The following TMEM164 variants were observed in gnomAD, a reference collection of about 807,000 sequenced individuals.
The protein encoded by TMEM164 is transmembrane protein 164.
A neutral mutation model predicts 18.8 loss-of-function variants in TMEM164; 4 were observed. That is an observed-to-expected ratio of 0.21 (90% CI 0.10 to 0.49). The LOEUF (loss-of-function observed/expected upper bound fraction) is 0.49, where lower values mean the gene tolerates loss of function less well. TMEM164 is among the 20% of genes least tolerant of loss of function. The pLI is 0.98. For missense variants in TMEM164, 108 were observed against 239.9 expected (o/e 0.45, Z 3.63); for synonymous variants, 86 against 101.7 (o/e 0.85, Z 0.93).
intron 2 of TMEM164, among the ~76,000 whole-genome samples, chrX:110,014,741 T>G (rs1418403112): frequency 2.9e-5 from 2 of 68,452 alleles, no homozygotes; most frequent in Admixed American, 4.2e-4. Context: ...TTTTTGGTTG[T>G]TTCTTTTTTT....
chrX:110,161,501 G>A (rs1339502988), intron 5 of TMEM164, among the ~76,000 whole-genome samples: 1 of 112,153 alleles, frequency 8.9e-6, no homozygotes, highest in African/African-American at 3.2e-5. Flanking sequence ...TTGTGCAACA[G>A]GTGGGTAGGT....
intron 2 of TMEM164, among the ~76,000 whole-genome samples, chrX:110,014,744 C>CTTTTTTTTTTTTTTTTGTTTTTTTT (rs1933220749): frequency 1.8e-5 from 1 of 54,239 alleles, no homozygotes; most frequent in Non-Finnish European, 3.2e-5. Flanking sequence ...TTGGTTGTTT[C>CTTTTTTTTTTTTTTTTGTTTTTTTT]TTTTTTTTTT....
chrX:110,111,150 C>G (rs1425161640), intron 4 of TMEM164, among the ~76,000 whole-genome samples: 3 of 112,455 alleles, frequency 2.7e-5, no homozygotes, highest in Non-Finnish European at 5.6e-5. Flanking sequence ...GTTGCCCTGC[C>G]TTCTACATCT....
intron 2 of TMEM164, among the ~76,000 whole-genome samples, chrX:110,034,868 C>T (rs1245174007): frequency 1.2e-4 from 13 of 104,293 alleles, no homozygotes; most frequent in Non-Finnish European, 2.4e-4. Context: ...GGCACATATA[C>T]ACCATGGAAT....
At chrX:110,105,630 C>G (rs759767618) in intron 3 of TMEM164, among the ~76,000 whole-genome samples, 4 of 105,796 alleles carry the variant, frequency 3.8e-5, no homozygotes, top group Non-Finnish European at 7.8e-5. Context: ...CACGCAAGAA[C>G]TTTTTCCTTC....
intron 2 of TMEM164, among the ~76,000 whole-genome samples, chrX:110,055,739 A>G (rs1935794553): frequency 9.0e-6 from 1 of 111,507 alleles, no homozygotes; most frequent in Admixed American, 9.5e-5. Context: ...AAGAAGTAGA[A>G]TATTAACATG....
chrX:110,020,213 C>G (rs751705569), intron 2 of TMEM164: 1 of 171,032 alleles, frequency 5.8e-6, no homozygotes, highest in Admixed American at 9.4e-5. Flanking sequence ...TTTTGTATCC[C>G]CCGCACAGCT....
intron 3 of TMEM164, among the ~76,000 whole-genome samples, chrX:110,081,756 T>C (rs2065760989): frequency 8.9e-6 from 1 of 112,781 alleles, no homozygotes; most frequent in African/African-American, 3.2e-5. Context: ...ACTAGCATCA[T>C]ATACCTATCT....
intron 2 of TMEM164, among the ~76,000 whole-genome samples, chrX:110,014,602 A>G (rs1405919387): frequency 9.1e-6 from 1 of 110,192 alleles, no homozygotes; most frequent in Non-Finnish European, 1.9e-5. Context: ...CTCTTTATCA[A>G]TGGGCTGGCT....
At chrX:110,047,983 A>G (rs1935387996) in intron 2 of TMEM164, among the ~76,000 whole-genome samples, 1 of 111,750 alleles carries the variant, frequency 8.9e-6, no homozygotes, top group Admixed American at 9.5e-5. Context: ...ATAGGGATTT[A>G]TTGTTGGAGG....
At chrX:110,032,506 C>T (rs778781673) in intron 2 of TMEM164, among the ~76,000 whole-genome samples, 12 of 110,765 alleles carry the variant, frequency 1.1e-4, no homozygotes, top group Non-Finnish European at 2.1e-4. Flanking sequence ...ATATATACCA[C>T]GTGAAAAGCA....
chrX:110,136,012 T>C (rs2066685995), intron 4 of TMEM164, among the ~76,000 whole-genome samples: 1 of 111,954 alleles, frequency 8.9e-6, no homozygotes, highest in Non-Finnish European at 1.9e-5. Flanking sequence ...AGAATGTCTT[T>C]TAAAAAAAAA....
chrX:110,087,820 A>T (rs896855230), intron 3 of TMEM164, among the ~76,000 whole-genome samples: 1 of 111,804 alleles, frequency 8.9e-6, no homozygotes, highest in African/African-American at 3.3e-5. Context: ...AAATAGGATT[A>T]TTTGGTCATA....
intron 2 of TMEM164, 70 bp downstream of exon 2, chrX:110,004,234 A>C (rs1053815424): frequency 8.2e-6 from 9 of 1,095,957 alleles, no homozygotes; most frequent in Middle Eastern, 2.6e-4. Context: ...GACACTCCAT[A>C]GTGTACAGCA....
intron 2 of TMEM164, among the ~76,000 whole-genome samples, chrX:110,031,627 T>C (rs1160061634): frequency 3.6e-5 from 4 of 111,601 alleles, no homozygotes; most frequent in African/African-American, 1.3e-4. Context: ...CCTTCCCTAG[T>C]CCTCCTTTTT....
intron 2 of TMEM164, among the ~76,000 whole-genome samples, chrX:110,064,220 G>C (rs1004263401): frequency 9.0e-6 from 1 of 111,622 alleles, no homozygotes; most frequent in Non-Finnish European, 1.9e-5. Context: ...TTGGTACTGG[G>C]GTATGCTCAG....
At chrX:110,172,803 A>G (rs1185784269) in intron 6 of TMEM164, among the ~76,000 whole-genome samples, 3 of 111,673 alleles carry the variant, frequency 2.7e-5, no homozygotes, top group African/African-American at 9.8e-5. Flanking sequence ...ACCTCCTCAT[A>G]GTGTATAAAG....
chrX:110,056,336 G>A (rs1214085011), intron 2 of TMEM164, among the ~76,000 whole-genome samples: 1 of 111,936 alleles, frequency 8.9e-6, no homozygotes, highest in Admixed American at 9.5e-5. Context: ...AGATTCATCT[G>A]TGTTTAGCAT....
chrX:110,063,155 C>T (rs1272099442), intron 2 of TMEM164, among the ~76,000 whole-genome samples: 1 of 111,265 alleles, frequency 9.0e-6, no homozygotes, highest in Non-Finnish European at 1.9e-5. Context: ...TGTGCTAGGC[C>T]AAACACCACT....
Sources: gnomAD v4.1 joint callset for allele counts (sites outside exome capture counted in the v4.1 genomes callset) on GRCh38, gnomAD v4.1.1 for gene constraint, MANE v1.5 for transcripts, NCBI Gene and HGNC (gene_info 2026-07-23, HGNC 2026-07-21) for gene names.